Variants in PNPLA1 observed in about 807,000 individuals in gnomAD.
The protein encoded by PNPLA1 is patatin like domain 1, omega-hydroxyceramide transacylase, also known as omega-hydroxyceramide transacylase.
Under a neutral mutation model 51.7 loss-of-function variants are expected in PNPLA1, and 36 were observed. The ratio of observed to expected loss-of-function variants is 0.70; its 90% confidence interval spans 0.53 to 0.92. The LOEUF (loss-of-function observed/expected upper bound fraction) is 0.92, where lower values mean the gene tolerates loss of function less well. Ranked by LOEUF, PNPLA1 falls within the 40% of genes least tolerant of loss-of-function variation. The probability of loss-of-function intolerance (pLI) is 0.00; values close to 1 mark genes in which losing one functional copy is unlikely to be tolerated. For missense variants in PNPLA1, 658 were observed against 682.5 expected (o/e 0.96, Z 0.40); for synonymous variants, 293 against 280.1 (o/e 1.05, Z -0.46).
intron 1 of PNPLA1, among the ~76,000 whole-genome samples, chr6:36,254,164 TTAAA>T (rs1474017093): frequency 2.0e-5 from 3 of 152,244 alleles, no homozygotes; most frequent in Admixed American, 2.0e-4. Context: ...AAATAAACCT[TTAAA>T]TAATGCTTAA....
chr6:36,300,209 G>C (rs1016309871), intron 5 of PNPLA1, among the ~76,000 whole-genome samples: 17 of 151,070 alleles, frequency 1.1e-4, no homozygotes, highest in South Asian at 4.2e-4. Flanking sequence ...GAGAGAGAGA[G>C]AGAGAGACAG....
At chr6:36,256,217 A>C (rs1216646916) in intron 1 of PNPLA1, among the ~76,000 whole-genome samples, 1 of 152,060 alleles carries the variant, frequency 6.6e-6, no homozygotes, top group African/African-American at 2.4e-5. Flanking sequence ...TCAGTCAGGC[A>C]TGGTGGCTCA....
At position 36,313,540 on chromosome 6, in the gene PNPLA1, C is replaced by A. The variant is rs1285397334; in HGVS notation, c.*1654C>A. Among the ~76,000 whole-genome samples, 1 of 152,212 alleles carries A rather than the reference C, an allele frequency of 6.6e-6. No homozygotes were observed. Among genetic ancestry groups the A allele is most frequent in the Non-Finnish European group, 1.5e-5 (1 of 68,042 alleles). On this transcript the variant is annotated 3_prime_UTR_variant, in exon 9 of 9. Coordinates refer to ENST00000636260, the MANE Select transcript of PNPLA1 (RefSeq NM_001374623.1). ...GTTGGGGCTTGGCTGCGGCAACAGACCCCACTTAACACAGCCATTCCAGGG... is the reference window on the plus strand; with the variant it reads ...GTTGGGGCTTGGCTGCGGCAACAGAACCCACTTAACACAGCCATTCCAGGG...
intron 5 of PNPLA1, among the ~76,000 whole-genome samples, chr6:36,298,104 A>T (rs76228061): frequency 0.026 from 3,923 of 152,276 alleles, 109 homozygotes; most frequent in Non-Finnish European, 0.034. Flanking sequence ...TCTGAGATTC[A>T]TCCATGTTGT....
chr6:36,288,634 A>G (rs1458602482), intron 1 of PNPLA1, among the ~76,000 whole-genome samples: 1 of 147,508 alleles, frequency 6.8e-6, no homozygotes, highest in African/African-American at 2.5e-5. Context: ...TTTTTTTTGT[A>G]TTTTTAGTAG....
At chr6:36,273,329 C>A (rs979646540) in intron 1 of PNPLA1, among the ~76,000 whole-genome samples, 1 of 152,032 alleles carries the variant, frequency 6.6e-6, no homozygotes, top group Non-Finnish European at 1.5e-5. Flanking sequence ...CCCTAATCCC[C>A]CACTCCCTCC....
chr6:36,289,416 G>A (rs537988265), intron 1 of PNPLA1, among the ~76,000 whole-genome samples: 1 of 152,326 alleles, frequency 6.6e-6, no homozygotes, highest in African/African-American at 2.4e-5. Flanking sequence ...TCACCTGTGA[G>A]TGGGTTAGCT....
chr6:36,256,984 C>T (rs995825298), intron 1 of PNPLA1, among the ~76,000 whole-genome samples: 5 of 152,118 alleles, frequency 3.3e-5, no homozygotes, highest in African/African-American at 1.2e-4. Context: ...GGGAGATTAA[C>T]GGTTCTGAAG....
chr6:36,286,147 A>T (rs1215599090), intron 1 of PNPLA1, among the ~76,000 whole-genome samples: 1 of 152,246 alleles, frequency 6.6e-6, no homozygotes, highest in Non-Finnish European at 1.5e-5. Context: ...CCTCATCATA[A>T]TCCAGTAAGG....
At chr6:36,255,986 T>C (rs1221068017) in intron 1 of PNPLA1, among the ~76,000 whole-genome samples, 1 of 152,176 alleles carries the variant, frequency 6.6e-6, no homozygotes. Context: ...TTCCAGTAAT[T>C]TGCAAACATG....
At position 36,300,178 on chromosome 6, in the gene PNPLA1, T is replaced by TGAGAGAGA. The variant is rs71548136; in HGVS notation, c.776-1652_776-1645dup. ...TCTTATTCTTGTGTGTGTGTGTGTG[T>TGAGAGAGA]GAGAGAGAGAGAGAGAGAGAGAGAG... On this transcript the variant is annotated intron_variant, in intron 5 of 8. Coordinates refer to ENST00000636260, the MANE Select transcript of PNPLA1 (RefSeq NM_001374623.1). Among the ~76,000 whole-genome samples, 332 of 98,126 alleles carry TGAGAGAGA rather than the reference T, an allele frequency of 3.4e-3. 3 individuals are homozygous for TGAGAGAGA. Among genetic ancestry groups the TGAGAGAGA allele is most frequent in the African/African-American group, 0.01 (313 of 30,114 alleles). 64.4% of individuals were successfully genotyped at this position (98,126 alleles called of 152,430 possible).
intron 1 of PNPLA1, among the ~76,000 whole-genome samples, chr6:36,284,500 A>G (rs772056065): frequency 3.3e-5 from 5 of 152,024 alleles, no homozygotes; most frequent in Admixed American, 6.6e-5. Context: ...GTCCTAGGGT[A>G]TGTCCTTCCT....
At chr6:36,283,077 C>T (rs1196833210) in intron 1 of PNPLA1, among the ~76,000 whole-genome samples, 1 of 152,174 alleles carries the variant, frequency 6.6e-6, no homozygotes, top group South Asian at 2.1e-4. Flanking sequence ...CAGAGCTCTG[C>T]GTATCCTTCA....
rs61365486 is a variant in PNPLA1, at chr6:36,282,249, G to GGAAAGAAAGAAAGAAAGAAAGAAA, written c.206-9068_206-9045dup. On this transcript the variant is annotated intron_variant, in intron 1 of 8. Coordinates refer to ENST00000636260, the MANE Select transcript of PNPLA1 (RefSeq NM_001374623.1). ...AGGAAGGAAGGAAAGAAAGAAAGAA[G>GGAAAGAAAGAAAGAAAGAAAGAAA]GAAAGAAAGAAAGAAAGAAAGAAAG... 2.5e-4 allele frequency among the ~76,000 whole-genome samples: 28 copies of GGAAAGAAAGAAAGAAAGAAAGAAA among 111,952 alleles called. 1 individual carries two copies. Among genetic ancestry groups the GGAAAGAAAGAAAGAAAGAAAGAAA allele is most frequent in the African/African-American group, 9.4e-4 (27 of 28,836 alleles). 73.4% of individuals were successfully genotyped at this position (111,952 alleles called of 152,430 possible).
At position 36,293,104 on chromosome 6, in the gene PNPLA1, T is replaced by A. The variant is rs1215929261; in HGVS notation, c.482T>A (p.Ile161Asn). The change falls in exon 3 of 9, where the codon ATC becomes AAC. Residue 161 changes from isoleucine to asparagine, a missense_variant. Coordinates refer to ENST00000636260, the MANE Select transcript of PNPLA1 (RefSeq NM_001374623.1). ...SCFVPVYCGL[I>N]PPTYRGVRYI... The stretch of plus-strand genomic sequence containing the variant: ...TTCGTCCCGGTGTACTGTGGCCTCA[T>A]CCCCCCGACTTACCGCGGTGTGGTG... 6.2e-7 allele frequency: 1 copy of A among 1,613,520 alleles called. No homozygotes were observed. The highest frequency in any genetic ancestry group is 1.1e-5 in the South Asian group (1 of 91,056).
At chr6:36,244,491 G>T (rs183228826) in intron 1 of PNPLA1, among the ~76,000 whole-genome samples, 1 of 151,608 alleles carries the variant, frequency 6.6e-6, no homozygotes. Context: ...TTTATTATCT[G>T]CATACTCAAC....
Position 36,293,099 on chromosome 6 carries a change from C to T in PNPLA1, c.477C>T (p.Gly159=). The T allele has an allele frequency of 6.2e-7, 1 of 1,614,102 alleles. No homozygotes were observed. Among genetic ancestry groups the T allele is most frequent in the Non-Finnish European group, 8.5e-7 (1 of 1,179,986 alleles). Residue 159 remains glycine (G), a synonymous_variant, in exon 3 of 9, where the codon GGC becomes GGT. Coordinates refer to ENST00000636260, the MANE Select transcript of PNPLA1 (RefSeq NM_001374623.1). The stretch of plus-strand genomic sequence containing the variant: ...GCTGCTTCGTCCCGGTGTACTGTGG[C>T]CTCATCCCCCCGACTTACCGCGGTG... ...YCSCFVPVYC[G]LIPPTYRGVR...
In PNPLA1 at chr6:36,284,258, C is replaced by G. The variant is rs377582898; in HGVS notation, c.206-7062C>G. 2.0e-5 allele frequency among the ~76,000 whole-genome samples: 3 copies of G among 152,170 alleles called. No individual in the cohort carries two copies. In the East Asian group the frequency reaches 5.8e-4, roughly 29 times the overall value. Reference sequence around the variant, plus strand: ...ACAATCGGATATAAGCCAGTCTGAACTTTTAAATCCAATTATTTAGTAAAC... The same window carrying G: ...ACAATCGGATATAAGCCAGTCTGAAGTTTTAAATCCAATTATTTAGTAAAC... On this transcript the variant is annotated intron_variant, in intron 1 of 8. Transcript: ENST00000636260.
At chr6:36,281,432 T>A (rs1166781717) in intron 1 of PNPLA1, among the ~76,000 whole-genome samples, 1 of 152,198 alleles carries the variant, frequency 6.6e-6, no homozygotes, top group Non-Finnish European at 1.5e-5. Context: ...ACCAAGCACT[T>A]AGAATGTGCC....
Sources: allele counts gnomAD v4.1 joint callset (sites outside exome capture counted in the v4.1 genomes callset), GRCh38; gene constraint gnomAD v4.1.1; transcripts MANE v1.5; gene names NCBI Gene and HGNC (gene_info 2026-07-23, HGNC 2026-07-21).